BCL9L: variants seen among roughly 807,000 people sequenced by gnomAD.
The protein encoded by BCL9L is B-cell CLL/lymphoma 9-like protein.
A neutral mutation model predicts 99.4 loss-of-function variants in BCL9L; 19 were observed. That is an observed-to-expected ratio of 0.19 (90% CI 0.13 to 0.28). The LOEUF (loss-of-function observed/expected upper bound fraction) is 0.28, where lower values mean the gene tolerates loss of function less well. BCL9L is among the 10% of genes least tolerant of loss of function. BCL9L has a pLI of 1.00. For synonymous variants in BCL9L, 900 were observed against 854.8 expected (o/e 1.05, Z -0.92); for missense variants, 2,023 against 2,101.6 (o/e 0.96, Z 0.73).
At chr11:118,910,236 G>A (rs1049377020) in intron 2 of BCL9L, 1 of 438,606 alleles carries the variant, frequency 2.3e-6, no homozygotes. Flanking sequence ...TCTCCAGCAA[G>A]CCTCCGCCCC....
rs1337020376 is a variant in BCL9L at position 118,899,383 on chromosome 11, G to A, written c.3532C>T (p.Pro1178Ser). 1 of 1,585,044 alleles carries A rather than the reference G, an allele frequency of 6.3e-7. No individual in the cohort carries two copies. Among genetic ancestry groups the A allele is most frequent in the Non-Finnish European group, 8.6e-7 (1 of 1,166,718 alleles). The change falls in exon 10 of 10, where the codon CCC (proline) becomes TCC (serine). Residue 1178 changes from proline (P) to serine (S), a missense_variant. Transcript: ENST00000683865. ...HEPPPAMLPS[P>S]TPLGSNIPLH... ...GGAATGTTGGAGCCCAGAGGGGTGG[G>A]GGAGGGCAGCATGGCGGGCGGGGGC...
At chr11:118,923,317 G>A (rs1467308998) in intron 1 of BCL9L, among the ~76,000 whole-genome samples, 1 of 152,130 alleles carries the variant, frequency 6.6e-6, no homozygotes, top group East Asian at 1.9e-4. Context: ...CCTGCCCAGA[G>A]GCTACTGTCC....
rs781207321 is a variant in BCL9L, at chr11:118,902,348, A to G, written c.1395T>C (p.Tyr465=). The G allele has an allele frequency of 9.4e-6, 14 of 1,492,944 alleles. No homozygotes were observed. The South Asian group carries it at 1.4e-4, about 15-fold the overall frequency. The allele number at this position is 1,492,944 out of a possible 1,614,324, so 92.5% of individuals were successfully genotyped here. A position where few individuals can be genotyped will look rare whatever the true frequency, so the allele number is the denominator to read the frequency against. ...AAATCATGGACTGCAAGGGTTCCTC[A>G]TATTTCTTCAGCCCGCTGGGAGGGG... The part of the protein sequence containing the change: ...PTAPPSGLKK[Y]EEPLQSMISQ... The change falls in exon 8 of 10, where the codon TAT becomes TAC. Residue 465 remains tyrosine (Y), a synonymous_variant. Coordinates refer to ENST00000683865, the MANE Select transcript of BCL9L (RefSeq NM_001378213.1). This position sits in a 1 kb window ranked among gnomAD's most constrained non-coding sequence, Gnocchi z 7.8.
chr11:118,907,654 TC>T, intron 4 of BCL9L, 52 bp from the exon 5 acceptor site: 3 of 1,600,120 alleles, frequency 1.9e-6, no homozygotes, highest in Non-Finnish European at 2.5e-6. Flanking sequence ...CCCATTATTC[TC>T]CCACACCCAG....
chr11:118,902,389 G>T lies in BCL9L; in HGVS notation c.1354C>A (p.Gln452Lys). 3 of 1,540,856 alleles carry T rather than the reference G, an allele frequency of 1.9e-6. No homozygotes were observed. Among genetic ancestry groups the T allele is most frequent in the Non-Finnish European group, 2.6e-6 (3 of 1,146,662 alleles). The change falls in exon 8 of 10, where the codon CAG becomes AAG. Residue 452 changes from glutamine to lysine, a missense_variant. By Grantham distance (53) the Gln-to-Lys change is moderately conservative. Around this residue, in one of 3 missense-constraint regions of BCL9L, gnomAD observed 1,116 missense variants for 1,194.6 expected, o/e 0.93. Coordinates refer to ENST00000683865, the MANE Select transcript of BCL9L (RefSeq NM_001378213.1). This position sits in a 1 kb window ranked among gnomAD's most constrained non-coding sequence, Gnocchi z 7.8. ...GPPAQAPPPP[Q>K]QPPTAPPSGL... ...CTGGGAGGGGCCGTGGGTGGCTGCT[G>T]GGGGGGAGGGGGGGCTTGTGCTGGT...
intron 4 of BCL9L, 47 bp downstream of exon 4, chr11:118,908,223 T>C (rs369626268): frequency 4.0e-6 from 6 of 1,512,586 alleles, no homozygotes; most frequent in Non-Finnish European, 5.3e-6. Flanking sequence ...ATCTGAGCCT[T>C]GGACTATGGG....
chr11:118,917,158 G>A (rs1251869649), intron 2 of BCL9L, among the ~76,000 whole-genome samples: 1 of 152,126 alleles, frequency 6.6e-6, no homozygotes, highest in Non-Finnish European at 1.5e-5. Flanking sequence ...GATCTGGAGG[G>A]GTATTAGAAT....
Position 118,898,258 on chromosome 11 carries a change from C to G in BCL9L, c.*157G>C. 1 of 1,045,558 alleles carries G rather than the reference C, an allele frequency of 9.6e-7. No individual in the cohort carries two copies. Among genetic ancestry groups the G allele is most frequent in the South Asian group, 1.7e-5 (1 of 58,904 alleles). The allele number at this position is 1,045,558 out of a possible 1,614,324, so 64.8% of individuals were successfully genotyped here. On this transcript the variant is annotated 3_prime_UTR_variant, in exon 10 of 10. Transcript: ENST00000683865. ...CTGCCACTTCCCCCTAAGCTGCCAG[C>G]ACATCTGGTTTCCACAAATGCCACT...
chr11:118,905,946 C>A (rs1257147272), intron 5 of BCL9L, among the ~76,000 whole-genome samples: 1 of 152,190 alleles, frequency 6.6e-6, no homozygotes, highest in Non-Finnish European at 1.5e-5. Context: ...CAGTGGCTCA[C>A]TCCTGTAATT....
In BCL9L at chr11:118,898,846, G is replaced by A. The variant is rs376479936; in HGVS notation, c.4069C>T (p.Leu1357=). 17 of 1,614,006 alleles carry A rather than the reference G, an allele frequency of 1.1e-5. No individual in the cohort carries two copies. Among genetic ancestry groups the A allele is most frequent in the African/African-American group, 4.0e-5 (3 of 74,934 alleles). ...NQPPKAQPPN[L]HLMNLQNMMA... is the part of the protein sequence containing the mutation. ...ATGTTCTGCAGGTTCATGAGATGCAGATTAGGGGGCTGAGCCTTGGGGGGC... is the reference window on the plus strand; with the variant it reads ...ATGTTCTGCAGGTTCATGAGATGCAAATTAGGGGGCTGAGCCTTGGGGGGC... Residue 1357 remains leucine (L), a synonymous_variant, in exon 10 of 10, where the codon CTG becomes TTG. Transcript: ENST00000683865.
At position 118,896,649 on chromosome 11, in the gene BCL9L, GC is replaced by G. The variant is rs1310662310; in HGVS notation, c.*1765del. ...AGCCCCAGAGGAAGCGCTGGACCTG[GC>G]CGATGGTGGGCCGAGAGGACAGCAC... is the stretch of plus-strand genomic sequence containing the variant. On this transcript the variant is annotated 3_prime_UTR_variant, in exon 10 of 10. Transcript: ENST00000683865. The G allele has an allele frequency of 6.5e-6, 1 of 152,932 alleles. No homozygotes were observed. Among genetic ancestry groups the G allele is most frequent in the East Asian group, 1.9e-4 (1 of 5,204 alleles). The allele number at this position is 152,932 out of a possible 1,614,324, so 9.5% of individuals were successfully genotyped here. A position where few individuals can be genotyped will look rare whatever the true frequency, so the allele number is the denominator to read the frequency against.
Position 118,901,893 on chromosome 11 carries a change from A to G in BCL9L, c.1850T>C (p.Met617Thr). The G allele has an allele frequency of 1.9e-6, 3 of 1,613,892 alleles. No homozygotes were observed. The highest frequency in any genetic ancestry group is 2.5e-6 in the Non-Finnish European group (3 of 1,179,850). The change falls in exon 8 of 10, where the codon ATG (methionine) becomes ACG (threonine). Residue 617 changes from methionine (M) to threonine (T), a missense_variant. Physicochemically the swap from Met to Thr is moderately conservative, Grantham distance 81. Transcript: ENST00000683865. The surrounding 1 kb of genome is among the most constrained non-coding windows in gnomAD (Gnocchi z 6.6). ...GGGCACCTCCATGGGCATACTCTGCATGCCCCCAAACCCAGGTACCCGTTG... is the reference window on the plus strand; with the variant it reads ...GGGCACCTCCATGGGCATACTCTGCGTGCCCCCAAACCCAGGTACCCGTTG... Reference protein sequence around the residue: ...QIQRVPGFGGMQSMPMEVPMN... With the variant: ...QIQRVPGFGGTQSMPMEVPMN...
In BCL9L at chr11:118,898,949, G is replaced by A. The variant is rs182557494; in HGVS notation, c.3966C>T (p.Pro1322=). The A allele has an allele frequency of 4.4e-4, 715 of 1,612,568 alleles. 5 individuals carry two copies. The East Asian group carries it at 8.7e-3, about 20-fold the overall frequency. Residue 1322 remains proline (P), a synonymous_variant, in exon 10 of 10, where the codon CCC becomes CCT. Transcript: ENST00000683865. ...GGATGATCCTCGACAAGTCGAACTC[G>A]GGGATCCCCGTTGGGGTGGGCCGGA... ...EVIRPTPTGI[P]EFDLSRIIPS... is the part of the protein sequence containing the mutation.
At position 118,901,807 on chromosome 11, in the gene BCL9L, T is replaced by C. The variant is rs34752197; in HGVS notation, c.1936A>G (p.Met646Val). The change falls in exon 8 of 10, where the codon ATG (methionine) becomes GTG (valine). Residue 646 changes from methionine (M) to valine (V), a missense_variant. This residue lies in a region of BCL9L where 1,116 missense variants were observed against 1,194.6 expected (regional missense o/e 0.93). Transcript: ENST00000683865. This position sits in a 1 kb window ranked among gnomAD's most constrained non-coding sequence, Gnocchi z 6.6. ...GMGWTEDLPP[M>V]GGPSNFAQNT... ...TGGGCAAAATTGCTGGGTCCCCCCA[T>C]AGGGGGCAAGTCTTCGGTCCAGCCC... 18,581 of 1,610,672 alleles carry C rather than the reference T, an allele frequency of 0.012. 398 individuals carry two copies. The highest frequency in any genetic ancestry group is 0.093 in the East Asian group (4,184 of 44,752).
At chr11:118,909,825 G>A in intron 3 of BCL9L, 89 bp downstream of exon 3, 11 of 1,602,484 alleles carry the variant, frequency 6.9e-6, no homozygotes, top group Admixed American at 1.7e-5. Context: ...TCCTCTCCTG[G>A]CCAGCACAGC....
At position 118,898,278 on chromosome 11, in the gene BCL9L, G is replaced by T; in HGVS notation, c.*137C>A. On this transcript the variant is annotated 3_prime_UTR_variant, in exon 10 of 10. Coordinates refer to ENST00000683865, the MANE Select transcript of BCL9L (RefSeq NM_001378213.1). The stretch of plus-strand genomic sequence containing the variant: ...GCCAGCACATCTGGTTTCCACAAAT[G>T]CCACTCCCTACACAAGCCCCCTCCC... 2 of 1,079,706 alleles carry T rather than the reference G, an allele frequency of 1.9e-6. No individual in the cohort carries two copies. The highest frequency in any genetic ancestry group is 1.7e-5 in the South Asian group (1 of 59,560). The allele number at this position is 1,079,706 out of a possible 1,614,324, so 66.9% of individuals were successfully genotyped here. A position where few individuals can be genotyped will look rare whatever the true frequency, so the allele number is the denominator to read the frequency against.
chr11:118,915,047 A>C (rs1358215253), intron 2 of BCL9L, among the ~76,000 whole-genome samples: 6 of 152,048 alleles, frequency 3.9e-5, no homozygotes, highest in Non-Finnish European at 8.8e-5. Context: ...GAGGCAGAGA[A>C]TTGCTTGAAC....
Position 118,898,294 on chromosome 11 carries a change from G to GCCCCCCACCCCCCCCCCCCC in BCL9L, c.*120_*121insGGGGGGGGGGGGGTGGGGGG. ...TCCACAAATGCCACTCCCTACACAA[G>GCCCCCCACCCCCCCCCCCCC]CCCCCTCCCACCCCCTCCACCCCAC... On this transcript the variant is annotated 3_prime_UTR_variant, in exon 10 of 10. Coordinates refer to ENST00000683865, the MANE Select transcript of BCL9L (RefSeq NM_001378213.1). 2 of 452,312 alleles carry GCCCCCCACCCCCCCCCCCCC rather than the reference G, an allele frequency of 4.4e-6. 1 individual carries two copies. Among genetic ancestry groups the GCCCCCCACCCCCCCCCCCCC allele is most frequent in the Non-Finnish European group, 8.2e-6 (2 of 244,762 alleles). The allele number at this position is 452,312 out of a possible 1,614,324, so 28.0% of individuals were successfully genotyped here.
intron 1 of BCL9L, among the ~76,000 whole-genome samples, chr11:118,924,339 A>G (rs1941225863): frequency 6.6e-6 from 1 of 151,600 alleles, no homozygotes; most frequent in Non-Finnish European, 1.5e-5. Flanking sequence ...AGACACAGAC[A>G]CAGACACACA....
Sources: gnomAD v4.1 joint callset for allele counts (sites outside exome capture counted in the v4.1 genomes callset) on GRCh38, gnomAD v4.1.1 for gene constraint, gnomAD v4.1.1 regional missense constraint, Gnocchi (gnomAD v3.1) non-coding constraint, MANE v1.5 for transcripts, NCBI Gene and HGNC (gene_info 2026-07-23, HGNC 2026-07-21) for gene names.